The following UBE2J2 variants were observed in gnomAD, a reference collection of about 807,000 sequenced individuals.
UBE2J2 encodes ubiquitin conjugating enzyme E2 J2, also known as ubiquitin-conjugating enzyme E2 J2.
Under a neutral mutation model 28.6 loss-of-function variants are expected in UBE2J2, and 5 were observed. The observed-to-expected ratio is 0.17, with a 90% CI of 0.09 to 0.37. The LOEUF (loss-of-function observed/expected upper bound fraction) is 0.37. Ranked by LOEUF, UBE2J2 falls within the 10% of genes least tolerant of loss-of-function variation. UBE2J2 has a pLI of 1.00. For missense variants in UBE2J2, 226 were observed against 338.9 expected (o/e 0.67, Z 2.62); for synonymous variants, 138 against 139.7 (o/e 0.99, Z 0.09).
intron 2 of UBE2J2, 107 bp from the exon 3 acceptor site, chr1:1,263,493 A>G: frequency 2.1e-6 from 2 of 957,616 alleles, no homozygotes; most frequent in Middle Eastern, 2.4e-4. Flanking sequence ...TTACATTCAC[A>G]TTCAGGCAGT....
chr1:1,267,824 ACAGT>A, intron 2 of UBE2J2, 34 bp downstream of exon 2: 1 of 1,602,508 alleles, frequency 6.2e-7, no homozygotes, highest in Non-Finnish European at 8.5e-7. Flanking sequence ...CGTGGCAGCG[ACAGT>A]CAGCGCAGGG....
intron 5 of UBE2J2, among the ~76,000 whole-genome samples, 198 bp downstream of exon 5, chr1:1,256,794 G>A (rs1206730564): frequency 2.0e-5 from 3 of 151,392 alleles, no homozygotes; most frequent in Non-Finnish European, 4.4e-5. Context: ...GCTGAGACAG[G>A]AGAATGGCGT....
chr1:1,265,611 G>GTGTGTGTA (rs1639812888), intron 2 of UBE2J2, among the ~76,000 whole-genome samples: 3 of 136,388 alleles, frequency 2.2e-5, no homozygotes, highest in Non-Finnish European at 3.1e-5. Context: ...CATTGTGTGT[G>GTGTGTGTA]TGTGTGTGTG....
Position 1,268,102 on chromosome 1 carries a change from G to T in UBE2J2, c.1-110C>A. Reference sequence around the variant, plus strand: ...GCAGCCCGCCATTCATTCAGGGCCCGGTCACCCAGAGTCACAGCTCACAGG... The same window carrying T: ...GCAGCCCGCCATTCATTCAGGGCCCTGTCACCCAGAGTCACAGCTCACAGG... On this transcript the variant is annotated intron_variant, in intron 1 of 6. Coordinates refer to ENST00000349431, the MANE Select transcript of UBE2J2 (RefSeq NM_058167.3). The surrounding 1 kb of genome is among the most constrained non-coding windows in gnomAD (Gnocchi z 4.7). 1 of 1,456,494 alleles carries T rather than the reference G, an allele frequency of 6.9e-7. No individual in the cohort carries two copies. The highest frequency in any genetic ancestry group is 9.4e-7 in the Non-Finnish European group (1 of 1,061,350). The allele number at this position is 1,456,494 out of a possible 1,614,324, so 90.2% of individuals were successfully genotyped here.
chr1:1,256,605 G>A (rs571843696), intron 5 of UBE2J2, among the ~76,000 whole-genome samples: 5 of 152,288 alleles, frequency 3.3e-5, no homozygotes, highest in South Asian at 2.1e-4. Flanking sequence ...AGCTGCGGCC[G>A]GGCGCGGTGG....
At position 1,257,002 on chromosome 1, in the gene UBE2J2, G is replaced by A. The variant is rs771895775; in HGVS notation, c.404C>T (p.Ser135Leu). 1.0e-5 allele frequency: 16 copies of A among 1,561,284 alleles called. No individual in the cohort carries two copies. Among genetic ancestry groups the A allele is most frequent in the East Asian group, 4.7e-5 (2 of 42,466 alleles). The change falls in exon 5 of 7, where the codon TCG becomes TTG. Residue 135 changes from serine (S) to leucine (L), a missense_variant. By Grantham distance (145) the Ser-to-Leu change is moderately radical. Coordinates refer to ENST00000349431, the MANE Select transcript of UBE2J2 (RefSeq NM_058167.3). The part of the protein sequence containing the change: ...KGPTLGSIET[S>L]DFTKRQLAVQ... ...GGCTCTAAAACTTACCGTGAAGTCC[G>A]ACGTCTCTATACTGCCCAGGGTGGG...
intron 1 of UBE2J2, among the ~76,000 whole-genome samples, chr1:1,269,940 C>T (rs1640063091): frequency 6.6e-6 from 1 of 152,116 alleles, no homozygotes; most frequent in Admixed American, 6.5e-5. Context: ...ACTTGTAATC[C>T]CCATAATCCC....
chr1:1,266,191 C>A, intron 2 of UBE2J2: 1 of 1,287,796 alleles, frequency 7.8e-7, no homozygotes, highest in South Asian at 1.2e-5. Context: ...CCTGGGTATC[C>A]TCCGCCTGCC....
At chr1:1,257,543 T>C (rs1253593567) in intron 3 of UBE2J2, among the ~76,000 whole-genome samples, 6 of 96,688 alleles carry the variant, frequency 6.2e-5, no homozygotes, top group Admixed American at 3.0e-4. Flanking sequence ...CCACCCCACC[T>C]GTACCCACCA....
Position 1,255,239 on chromosome 1 carries a change from C to T in UBE2J2, c.744G>A (p.Thr248=), listed in dbSNP as rs778450885. 13 of 1,611,276 alleles carry T rather than the reference C, an allele frequency of 8.1e-6. No individual in the cohort carries two copies. The highest frequency in any genetic ancestry group is 6.7e-5 in the Admixed American group (4 of 59,944). ...VIVGFAAFAY[T]VKYVLRSIAQ... is the part of the protein sequence containing the mutation. ...CGATGCTCCTCAGCACGTACTTGAC[C>T]GTGTAAGCAAAGGCTGCAAACCCAA... Residue 248 remains threonine, a synonymous_variant, in exon 7 of 7, where the codon ACG becomes ACA. Coordinates refer to ENST00000349431, the MANE Select transcript of UBE2J2 (RefSeq NM_058167.3).
At chr1:1,263,199 G>A (rs965138822) in intron 3 of UBE2J2, 147 bp downstream of exon 3, 13 of 734,544 alleles carry the variant, frequency 1.8e-5, no homozygotes, top group East Asian at 1.0e-4. Context: ...AGAAGCAGAC[G>A]AGGAGGAGTT....
At position 1,268,111 on chromosome 1, in the gene UBE2J2, G is replaced by C; in HGVS notation, c.1-119C>G. 4 of 1,391,790 alleles carry C rather than the reference G, an allele frequency of 2.9e-6. No individual in the cohort carries two copies. The highest frequency in any genetic ancestry group is 3.0e-6 in the Non-Finnish European group (3 of 1,007,570). The allele number at this position is 1,391,790 out of a possible 1,614,324, so 86.2% of individuals were successfully genotyped here. ...CATTCATTCAGGGCCCGGTCACCCA[G>C]AGTCACAGCTCACAGGTCACCCTCG... On this transcript the variant is annotated intron_variant, in intron 1 of 6. Coordinates refer to ENST00000349431, the MANE Select transcript of UBE2J2 (RefSeq NM_058167.3). The surrounding 1 kb of genome is among the most constrained non-coding windows in gnomAD (Gnocchi z 4.7).
chr1:1,260,431 C>T (rs1286464951), intron 3 of UBE2J2, among the ~76,000 whole-genome samples: 1 of 152,162 alleles, frequency 6.6e-6, no homozygotes, highest in African/African-American at 2.4e-5. Context: ...ACCCTGCTGC[C>T]TCACTGCGTG....
chr1:1,265,647 GT>G (rs1201028415), intron 2 of UBE2J2, among the ~76,000 whole-genome samples: 4 of 149,802 alleles, frequency 2.7e-5, no homozygotes, highest in Non-Finnish European at 4.4e-5. Context: ...GTGTGTGTGT[GT>G]GGTGGAGTCT....
At chr1:1,270,700 G>A (rs761854438) in intron 1 of UBE2J2, among the ~76,000 whole-genome samples, 2 of 152,062 alleles carry the variant, frequency 1.3e-5, no homozygotes, top group African/African-American at 4.8e-5. Flanking sequence ...GTACCCATAA[G>A]TCAACATACT....
At chr1:1,265,602 ATT>A (rs1491318291) in intron 2 of UBE2J2, among the ~76,000 whole-genome samples, 3 of 49,406 alleles carry the variant, frequency 6.1e-5, no homozygotes, top group East Asian at 6.7e-4. Context: ...TTTTCTCTCC[ATT>A]GTGTGTGTGT....
At chr1:1,263,500 C>T in intron 2 of UBE2J2, 114 bp from the exon 3 acceptor site, 1 of 915,070 alleles carries the variant, frequency 1.1e-6, no homozygotes, top group Non-Finnish European at 1.8e-6. Context: ...CACATTCAGG[C>T]AGTGAACAAA....
At chr1:1,272,731 CGA>C (rs1290281603) in intron 1 of UBE2J2, 2 of 178,862 alleles carry the variant, frequency 1.1e-5, no homozygotes, top group Non-Finnish European at 2.4e-5. Context: ...ACATCCCTGC[CGA>C]GAGTGGAACT....
At chr1:1,267,443 G>C (rs1639933388) in intron 2 of UBE2J2, among the ~76,000 whole-genome samples, 1 of 152,196 alleles carries the variant, frequency 6.6e-6, no homozygotes, top group Non-Finnish European at 1.5e-5. Flanking sequence ...CCCATATCCA[G>C]AAGCAAAGAG....
Sources: allele counts gnomAD v4.1 joint callset (sites outside exome capture counted in the v4.1 genomes callset), GRCh38; gene constraint gnomAD v4.1.1; non-coding constraint Gnocchi (gnomAD v3.1); transcripts MANE v1.5; gene names NCBI Gene and HGNC (gene_info 2026-07-23, HGNC 2026-07-21).